TBCE: variants seen among roughly 807,000 people sequenced by gnomAD.
TBCE encodes the protein tubulin folding cofactor E, also known as tubulin-specific chaperone E.
TBCE carries 53 observed loss-of-function variants against 77.0 expected under a neutral mutation model. The observed-to-expected ratio is 0.69, with a 90% confidence interval of 0.55 to 0.87. TBCE has a LOEUF of 0.87. Among genes scored for constraint, TBCE ranks in the 40% least tolerant of loss-of-function variants. TBCE has a pLI of 0.00. For missense variants in TBCE, 624 were observed against 622.4 expected, an observed-to-expected ratio of 1.00 and a Z score of -0.03; for synonymous variants, 235 against 241.3, an observed-to-expected ratio of 0.97 and a Z score of 0.24.
rs563186601 is a variant in TBCE at position 235,392,785 on chromosome 1, A to G, written c.101-8718A>G. On this transcript the variant is annotated intron_variant, in intron 2 of 16. Coordinates refer to ENST00000642610, the MANE Select transcript of TBCE (RefSeq NM_003193.5). ...ATTTCACATCTTGGTTTAATTCTTT[A>G]GTCCAAAGTGGTGTCCATTCTTTAA... Among the ~76,000 whole-genome samples the G allele has an allele frequency of 2.6e-5, 4 of 152,212 alleles. No individual in the cohort carries two copies. In the South Asian group the frequency reaches 8.3e-4, roughly 32 times the overall value.
intron 3 of TBCE, among the ~76,000 whole-genome samples, chr1:235,407,134 C>CTTTT (rs1233356015): frequency 1.4e-5 from 2 of 138,618 alleles, no homozygotes; most frequent in Non-Finnish European, 3.2e-5. Context: ...TGGCCCCCGC[C>CTTTT]TTTTTTTTTT....
intron 1 of TBCE, among the ~76,000 whole-genome samples, chr1:235,368,551 G>GTTTTTT (rs1558337496): frequency 6.2e-4 from 28 of 44,862 alleles, no homozygotes; most frequent in African/African-American, 1.6e-3. Context: ...TGGACAGCCT[G>GTTTTTT]CTTTTTTTTT....
Position 235,371,822 on chromosome 1 carries a change from G to A in TBCE, c.-32+4318G>A, listed in dbSNP as rs539777126. ...CAAGTAGCTGGGATTACAGGGACCCGCCAGCATACCCAGCTAATTTTTGTT... is the reference window on the plus strand; with the variant it reads ...CAAGTAGCTGGGATTACAGGGACCCACCAGCATACCCAGCTAATTTTTGTT... On this transcript the variant is annotated intron_variant, in intron 1 of 16. Coordinates refer to ENST00000642610, the MANE Select transcript of TBCE (RefSeq NM_003193.5). Among the ~76,000 whole-genome samples the A allele has an allele frequency of 1.1e-4, 17 of 152,120 alleles. No homozygotes were observed. The South Asian group carries it at 3.1e-3, about 28-fold the overall frequency.
rs190897016 is a variant in TBCE, at chr1:235,379,566, C to T, written c.-31-453C>T. On this transcript the variant is annotated intron_variant, in intron 1 of 16. Coordinates refer to ENST00000642610, the MANE Select transcript of TBCE (RefSeq NM_003193.5). ...AAGAACAAAAAAAACACATTTCTAGCGCAAATGTATCGTTTGAGCTAGAGA... is the reference window on the plus strand; with the variant it reads ...AAGAACAAAAAAAACACATTTCTAGTGCAAATGTATCGTTTGAGCTAGAGA... 6.6e-4 allele frequency among the ~76,000 whole-genome samples: 100 copies of T among 151,738 alleles called. No homozygotes were observed. The Middle Eastern group carries it at 0.01, about 15-fold the overall frequency.
At chr1:235,406,446 G>T (rs184519314) in intron 3 of TBCE, among the ~76,000 whole-genome samples, 1 of 152,206 alleles carries the variant, frequency 6.6e-6, no homozygotes, top group Non-Finnish European at 1.5e-5. Flanking sequence ...TTTTATTTGG[G>T]AAGCAAGAAT....
At chr1:235,376,040 T>A (rs2016437) in intron 1 of TBCE, among the ~76,000 whole-genome samples, 1 of 151,898 alleles carries the variant, frequency 6.6e-6, no homozygotes, top group African/African-American at 2.4e-5. Flanking sequence ...AGCGAGACTC[T>A]TCTCAAAACA....
At chr1:235,377,275 A>C (rs1361419649) in intron 1 of TBCE, among the ~76,000 whole-genome samples, 1 of 152,078 alleles carries the variant, frequency 6.6e-6, no homozygotes, top group Non-Finnish European at 1.5e-5. Flanking sequence ...TGCCTCCCGC[A>C]TTCAAGTGAT....
intron 14 of TBCE, among the ~76,000 whole-genome samples, chr1:235,442,137 TA>T (rs1264089614): frequency 6.6e-6 from 1 of 151,118 alleles, no homozygotes; most frequent in African/African-American, 2.4e-5. Context: ...GCCTCTGGAG[TA>T]GCTGGGACTA....
In TBCE at chr1:235,414,637, G is replaced by A. The variant is rs201960056; in HGVS notation, c.371+19G>A. ...AGCAAAGGTAAGTGGAGTTTATAAC[G>A]GCAGAGCTGACTTTTATGGTTTTAT... On this transcript the variant is annotated intron_variant, in intron 4 of 16. Coordinates refer to ENST00000642610, the MANE Select transcript of TBCE (RefSeq NM_003193.5). 23 of 1,611,428 alleles carry A rather than the reference G, an allele frequency of 1.4e-5. No homozygotes were observed. Among genetic ancestry groups the A allele is most frequent in the African/African-American group, 2.7e-5 (2 of 74,852 alleles).
chr1:235,439,034 C>A, intron 13 of TBCE, 112 bp downstream of exon 13: 1 of 1,475,734 alleles, frequency 6.8e-7, no homozygotes, highest in Non-Finnish European at 9.4e-7. Flanking sequence ...TCTTCCTTTC[C>A]TGGGCTTCTT....
intron 1 of TBCE, among the ~76,000 whole-genome samples, chr1:235,372,348 G>A (rs1182769231): frequency 2.0e-5 from 3 of 152,108 alleles, no homozygotes; most frequent in African/African-American, 2.4e-5. Context: ...GTGAGCCACC[G>A]CTCCTGGCTG....
At chr1:235,424,572 C>G (rs936095924) in intron 5 of TBCE, among the ~76,000 whole-genome samples, 3 of 150,900 alleles carry the variant, frequency 2.0e-5, no homozygotes, top group Non-Finnish European at 2.9e-5. Context: ...ATGGCATGAT[C>G]TTGGCTCACT....
At chr1:235,447,877 C>T (rs1032132527) in intron 15 of TBCE, among the ~76,000 whole-genome samples, 3 of 151,938 alleles carry the variant, frequency 2.0e-5, no homozygotes, top group African/African-American at 7.3e-5. Context: ...AAGACTCAGG[C>T]TTTCCCCTAA....
chr1:235,417,837 TG>T (rs1395875689), intron 4 of TBCE, among the ~76,000 whole-genome samples: 3 of 152,146 alleles, frequency 2.0e-5, no homozygotes, highest in Non-Finnish European at 4.4e-5. Flanking sequence ...AGCGCAATGG[TG>T]TGATCTCGGC....
chr1:235,420,782 C>T (rs1262747148), intron 5 of TBCE, among the ~76,000 whole-genome samples: 2 of 152,042 alleles, frequency 1.3e-5, no homozygotes, highest in African/African-American at 4.8e-5. Context: ...CGCCTGGCCT[C>T]GTCTGGCTAA....
In TBCE at chr1:235,450,181, TAG is replaced by T. The variant is rs1199667193; in HGVS notation, c.*1421_*1422del. Reference sequence around the variant, plus strand: ...GATTATCGTTTGCCTGCCCTGATTTTAGACTCTGCTAATTCAAGTCCCTGTTA... The same window carrying T: ...GATTATCGTTTGCCTGCCCTGATTTTACTCTGCTAATTCAAGTCCCTGTTA... On this transcript the variant is annotated 3_prime_UTR_variant, in exon 17 of 17. Transcript: ENST00000642610. 31 of 1,613,764 alleles carry T rather than the reference TAG, an allele frequency of 1.9e-5. No homozygotes were observed. The highest frequency in any genetic ancestry group is 2.5e-5 in the Non-Finnish European group (30 of 1,179,800).
rs1678427547 is a variant in TBCE, at chr1:235,392,185, G to A, written c.101-9318G>A. ...CAAAAATAAATAAATAAATAAATAAGTACATAAATAAAAAATAAAATCAGC... is the reference window on the plus strand; with the variant it reads ...CAAAAATAAATAAATAAATAAATAAATACATAAATAAAAAATAAAATCAGC... On this transcript the variant is annotated intron_variant, in intron 2 of 16. Transcript: ENST00000642610. Among the ~76,000 whole-genome samples, 5 of 151,272 alleles carry A rather than the reference G, an allele frequency of 3.3e-5. No homozygotes were observed. The South Asian group carries it at 8.3e-4, about 25-fold the overall frequency.
chr1:235,420,983 G>C (rs1680369039), intron 5 of TBCE, among the ~76,000 whole-genome samples: 1 of 152,196 alleles, frequency 6.6e-6, no homozygotes. Context: ...GCTGAATGCA[G>C]TTTGTTATAA....
intron 15 of TBCE, among the ~76,000 whole-genome samples, chr1:235,446,763 T>G (rs561957722): frequency 6.6e-6 from 1 of 151,156 alleles, no homozygotes; most frequent in Non-Finnish European, 1.5e-5. Context: ...AGTGGCGCGA[T>G]CATGGCTCAC....
Sources: allele counts gnomAD v4.1 joint callset (sites outside exome capture counted in the v4.1 genomes callset), GRCh38; gene constraint gnomAD v4.1.1; transcripts MANE v1.5; gene names NCBI Gene and HGNC (gene_info 2026-07-23, HGNC 2026-07-21).